Variants in CTNNA2 observed in about 807,000 individuals in gnomAD.
CTNNA2 encodes catenin alpha-2.
CTNNA2 carries 42 observed loss-of-function variants against 101.0 expected under a neutral mutation model. The ratio of observed to expected loss-of-function variants is 0.42; its 90% CI spans 0.32 to 0.54. The LOEUF (loss-of-function observed/expected upper bound fraction) is 0.54, where lower values mean the gene tolerates loss of function less well. Among genes scored for constraint, CTNNA2 ranks in the 20% least tolerant of loss-of-function variants. The pLI is 0.14. For missense variants in CTNNA2, 871 were observed against 1,223.1 expected, an observed-to-expected ratio of 0.71 and a Z score of 4.29; for synonymous variants, 450 against 456.4, an observed-to-expected ratio of 0.99 and a Z score of 0.18.
At chr2:80,439,603 G>T (rs564730686) in intron 9 of CTNNA2, among the ~76,000 whole-genome samples, 2 of 152,064 alleles carry the variant, frequency 1.3e-5, no homozygotes, top group South Asian at 4.2e-4. Flanking sequence ...GTTTTGCCAC[G>T]TTGGCCGGGC....
intron 7 of CTNNA2, among the ~76,000 whole-genome samples, chr2:79,948,586 C>T (rs920758293): frequency 6.6e-6 from 1 of 152,162 alleles, no homozygotes; most frequent in African/African-American, 2.4e-5. Context: ...TAAGCTCTGA[C>T]AATTAGTTAG....
chr2:80,315,258 A>T (rs1678000965), intron 7 of CTNNA2, among the ~76,000 whole-genome samples: 1 of 152,196 alleles, frequency 6.6e-6, no homozygotes, highest in Admixed American at 6.5e-5. Context: ...AAGCAAAATC[A>T]AAATGAAAAA....
At chr2:79,282,863 C>T (rs1456190889) in intron 2 of CTNNA2, among the ~76,000 whole-genome samples, 2 of 99,162 alleles carry the variant, frequency 2.0e-5, no homozygotes, top group African/African-American at 5.8e-5. Flanking sequence ...AACTAGTTTA[C>T]AGGCCCACCA....
intron 3 of CTNNA2, among the ~76,000 whole-genome samples, chr2:79,794,594 A>G (rs1675552596): frequency 6.6e-6 from 1 of 152,142 alleles, no homozygotes; most frequent in Admixed American, 6.5e-5. Flanking sequence ...TTATCATAAG[A>G]TCTACCCGCT....
At chr2:80,583,366 C>G (rs898986506) in intron 14 of CTNNA2, among the ~76,000 whole-genome samples, 2 of 152,168 alleles carry the variant, frequency 1.3e-5, no homozygotes, top group African/African-American at 4.8e-5. Flanking sequence ...TCCTTGCAGA[C>G]TCTATTTAAT....
intron 7 of CTNNA2, among the ~76,000 whole-genome samples, chr2:80,054,346 C>G (rs559813350): frequency 5.9e-5 from 9 of 152,178 alleles, no homozygotes; most frequent in Non-Finnish European, 1.2e-4. Context: ...AGGAGTGATT[C>G]TGAGAGCAGC....
At chr2:80,142,334 A>G (rs1268309325) in intron 7 of CTNNA2, among the ~76,000 whole-genome samples, 1 of 152,140 alleles carries the variant, frequency 6.6e-6, no homozygotes, top group Non-Finnish European at 1.5e-5. Flanking sequence ...CTTGCCATAA[A>G]TGCCTCACTT....
At chr2:79,585,783 G>A (rs1347005281) in intron 1 of CTNNA2, among the ~76,000 whole-genome samples, 1 of 150,034 alleles carries the variant, frequency 6.7e-6, no homozygotes, top group Non-Finnish European at 1.5e-5. Context: ...TTCTCCTCCT[G>A]CCTCTGGTCT....
chr2:79,478,883 C>G (rs1426146336), intron 4 of CTNNA2, among the ~76,000 whole-genome samples: 1 of 152,140 alleles, frequency 6.6e-6, no homozygotes, highest in Non-Finnish European at 1.5e-5. Flanking sequence ...AAAGTGAAGG[C>G]CATTACACAT....
chr2:79,552,608 G>A (rs1328201726), intron 1 of CTNNA2, among the ~76,000 whole-genome samples: 1 of 152,052 alleles, frequency 6.6e-6, no homozygotes, highest in Non-Finnish European at 1.5e-5. Flanking sequence ...TGGACATCCG[G>A]GCATTTCCAT....
chr2:80,480,279 G>A (rs1243670079), intron 9 of CTNNA2, among the ~76,000 whole-genome samples: 1 of 151,988 alleles, frequency 6.6e-6, no homozygotes, highest in East Asian at 1.9e-4. Context: ...AGGTGAGAAG[G>A]CACAGTGTTT....
In CTNNA2 at chr2:80,067,352, T is replaced by TTA. The variant is rs148302735; in HGVS notation, c.1056+157567_1056+157568dup. Among the ~76,000 whole-genome samples the TTA allele has an allele frequency of 8.6e-5, 13 of 151,920 alleles. 1 individual carries two copies. Among genetic ancestry groups the TTA allele is most frequent in the South Asian group, 6.2e-4 (3 of 4,808 alleles). ...TATATATATTTCAAAACATCATGTTTTATATATATATATTTCAAAACATCA... is the reference window on the plus strand; with the variant it reads ...TATATATATTTCAAAACATCATGTTTTATATATATATATATTTCAAAACATCA... On this transcript the variant is annotated intron_variant, in intron 7 of 18. Transcript: ENST00000402739.
chr2:79,442,365 T>A (rs1678786275), intron 4 of CTNNA2, among the ~76,000 whole-genome samples: 1 of 152,162 alleles, frequency 6.6e-6, no homozygotes, highest in African/African-American at 2.4e-5. Context: ...ATTAATAAAA[T>A]GACATAAGGA....
chr2:79,428,368 G>C (rs1678614457), intron 4 of CTNNA2, among the ~76,000 whole-genome samples: 1 of 151,908 alleles, frequency 6.6e-6, no homozygotes, highest in Non-Finnish European at 1.5e-5. Flanking sequence ...TCACCTGTAG[G>C]TATTTTTCTT....
At chr2:79,835,685 T>TTGTTTGTTTG (rs1558565798) in intron 3 of CTNNA2, among the ~76,000 whole-genome samples, 1 of 134,360 alleles carries the variant, frequency 7.4e-6, no homozygotes, top group African/African-American at 2.8e-5. Context: ...TTTTTTTTTT[T>TTGTTTGTTTG]TTTTTTTTTT....
At chr2:80,350,471 T>C (rs1423954661) in intron 7 of CTNNA2, among the ~76,000 whole-genome samples, 1 of 152,198 alleles carries the variant, frequency 6.6e-6, no homozygotes, top group Non-Finnish European at 1.5e-5. Flanking sequence ...AAAGATCAAG[T>C]GCAACGCAGT....
chr2:79,477,861 T>A (rs1035583235), intron 4 of CTNNA2, among the ~76,000 whole-genome samples: 2 of 152,230 alleles, frequency 1.3e-5, no homozygotes, highest in African/African-American at 4.8e-5. Context: ...TCACAAGGTA[T>A]TTCCACATAC....
At chr2:79,914,863 A>C (rs1351890420) in intron 7 of CTNNA2, among the ~76,000 whole-genome samples, 1 of 152,122 alleles carries the variant, frequency 6.6e-6, no homozygotes, top group Non-Finnish European at 1.5e-5. Context: ...AGGTATTAAA[A>C]GCACATGAAG....
chr2:79,921,840 T>TATTCC, intron 7 of CTNNA2, among the ~76,000 whole-genome samples: 1 of 152,190 alleles, frequency 6.6e-6, no homozygotes, highest in Non-Finnish European at 1.5e-5. Context: ...AGGGAACAGC[T>TATTCC]TCTAAGAGGA....
Sources: gnomAD v4.1 joint callset for allele counts (sites outside exome capture counted in the v4.1 genomes callset) on GRCh38, gnomAD v4.1.1 for gene constraint, MANE v1.5 for transcripts, NCBI Gene and HGNC (gene_info 2026-07-23, HGNC 2026-07-21) for gene names.